Variants in SLC12A8 observed in about 807,000 individuals in gnomAD.
The protein encoded by SLC12A8 is solute carrier family 12 member 8.
A neutral mutation model predicts 75.6 loss-of-function variants in SLC12A8; 69 were observed. The ratio of observed to expected loss-of-function variants is 0.91; its 90% CI spans 0.75 to 1.11. The LOEUF is 1.11. SLC12A8 is among the 50% of genes most tolerant of loss of function. SLC12A8 has a pLI of 0.00. For missense variants in SLC12A8, 877 were observed against 896.7 expected (o/e 0.98, Z 0.28); for synonymous variants, 365 against 372.8 (o/e 0.98, Z 0.24).
chr3:125,158,565 G>C (rs921552470), intron 5 of SLC12A8, among the ~76,000 whole-genome samples: 1 of 152,114 alleles, frequency 6.6e-6, no homozygotes, highest in Admixed American at 6.6e-5. Context: ...ACTATTATAA[G>C]ATCCTCTTTA....
intron 6 of SLC12A8, among the ~76,000 whole-genome samples, chr3:125,134,451 C>G (rs140640900): frequency 6.6e-6 from 1 of 152,134 alleles, no homozygotes; most frequent in Non-Finnish European, 1.5e-5. Context: ...TATTGTGTGG[C>G]TACATCATAG....
At chr3:125,143,392 T>C (rs1316258993) in intron 5 of SLC12A8, among the ~76,000 whole-genome samples, 2 of 152,196 alleles carry the variant, frequency 1.3e-5, no homozygotes, top group Non-Finnish European at 2.9e-5. Context: ...GAAATAATGA[T>C]AGGTTTCGAA....
At chr3:125,105,099 G>A (rs924937939) in intron 10 of SLC12A8, among the ~76,000 whole-genome samples, 1 of 151,646 alleles carries the variant, frequency 6.6e-6, no homozygotes, top group Non-Finnish European at 1.5e-5. Flanking sequence ...TAGAAGCCTT[G>A]GGAGAGAAAA....
At chr3:125,176,466 T>C (rs943860250) in intron 5 of SLC12A8, among the ~76,000 whole-genome samples, 3 of 152,048 alleles carry the variant, frequency 2.0e-5, no homozygotes, top group African/African-American at 4.8e-5. Flanking sequence ...AAAGCCAAAA[T>C]TGACAAATGG....
chr3:125,191,496 T>A (rs1198983593), intron 2 of SLC12A8, among the ~76,000 whole-genome samples: 1 of 17,068 alleles, frequency 5.9e-5, no homozygotes, highest in Non-Finnish European at 1.2e-4. Context: ...GTGGGGTGGG[T>A]GGGGAGAGAG....
At chr3:125,211,256 C>A (rs1469544730) in intron 2 of SLC12A8, 43 bp downstream of exon 2, 2 of 1,556,872 alleles carry the variant, frequency 1.3e-6, no homozygotes, top group Non-Finnish European at 1.8e-6. Context: ...GATCCCCGTG[C>A]TCACAGGCCT....
At chr3:125,089,526 T>C (rs905340263) in intron 12 of SLC12A8, among the ~76,000 whole-genome samples, 3 of 151,976 alleles carry the variant, frequency 2.0e-5, no homozygotes, top group Non-Finnish European at 4.4e-5. Context: ...TTAATTAAAA[T>C]ATATTCTATC....
intron 8 of SLC12A8, among the ~76,000 whole-genome samples, 163 bp downstream of exon 8, chr3:125,118,606 G>A (rs537883722): frequency 1.6e-4 from 24 of 152,292 alleles, no homozygotes; most frequent in African/African-American, 4.3e-4. Flanking sequence ...TCCAGCCTAG[G>A]CAACAGAGTG....
intron 13 of SLC12A8, among the ~76,000 whole-genome samples, chr3:125,085,480 G>A (rs1579457455): frequency 6.6e-6 from 1 of 152,198 alleles, no homozygotes; most frequent in Non-Finnish European, 1.5e-5. Flanking sequence ...TTCTTCTTAG[G>A]TTTTGAAGAG....
intron 4 of SLC12A8, among the ~76,000 whole-genome samples, chr3:125,179,908 T>C (rs985714571): frequency 1.2e-4 from 18 of 152,146 alleles, no homozygotes; most frequent in African/African-American, 4.8e-5. Flanking sequence ...GTAAATAAAA[T>C]AAATGACAAA....
chr3:125,130,045 G>A (rs1022917495), intron 6 of SLC12A8, among the ~76,000 whole-genome samples: 1 of 152,232 alleles, frequency 6.6e-6, no homozygotes, highest in African/African-American at 2.4e-5. Flanking sequence ...GCCAATGAGA[G>A]TGAGAGGGAC....
intron 5 of SLC12A8, among the ~76,000 whole-genome samples, chr3:125,175,056 G>C (rs1934490598): frequency 6.6e-6 from 1 of 152,130 alleles, no homozygotes. Flanking sequence ...GAGAAAAGGG[G>C]TATGTGGGAA....
intron 2 of SLC12A8, among the ~76,000 whole-genome samples, chr3:125,196,943 G>T (rs1476748381): frequency 6.6e-6 from 1 of 152,116 alleles, no homozygotes; most frequent in African/African-American, 2.4e-5. Context: ...AACAAAAAAA[G>T]TGACTATAAG....
At chr3:125,184,844 C>T (rs58490484) in intron 4 of SLC12A8, among the ~76,000 whole-genome samples, 3 of 151,678 alleles carry the variant, frequency 2.0e-5, no homozygotes, top group African/African-American at 7.3e-5. Flanking sequence ...TCACCAAAAC[C>T]AATAATTAGT....
In SLC12A8 at chr3:125,088,390, A is replaced by G. The variant is rs374085475; in HGVS notation, c.1922-20T>C. ...CTGATCCTGCAGGGAAGACATATAC[A>G]TAACCATTTTTGAAGGTTCTACATA... is the stretch of plus-strand genomic sequence containing the variant. On this transcript the variant is annotated intron_variant, in intron 12 of 13. Coordinates refer to ENST00000469902, the MANE Select transcript of SLC12A8 (RefSeq NM_024628.6). 1 of 1,613,804 alleles carries G rather than the reference A, an allele frequency of 6.2e-7. No homozygotes were observed. Among genetic ancestry groups the G allele is most frequent in the East Asian group, 2.2e-5 (1 of 44,878 alleles).
intron 5 of SLC12A8, 138 bp downstream of exon 5, chr3:125,177,605 A>G: frequency 1.5e-6 from 1 of 661,772 alleles, no homozygotes; most frequent in South Asian, 1.9e-5. Context: ...TGCTCACCTG[A>G]TCCAGGAACA....
intron 5 of SLC12A8, among the ~76,000 whole-genome samples, chr3:125,163,140 C>T (rs537439537): frequency 1.8e-4 from 28 of 151,758 alleles, no homozygotes; most frequent in African/African-American, 9.7e-5. Context: ...CCTGTCTCTA[C>T]AAAAGATACA....
intron 8 of SLC12A8, among the ~76,000 whole-genome samples, chr3:125,117,618 T>TA (rs1433695671): frequency 6.6e-6 from 1 of 151,824 alleles, no homozygotes; most frequent in Non-Finnish European, 1.5e-5. Context: ...ATTAAAATAT[T>TA]AAAATTTAAA....
chr3:125,189,023 T>C (rs1934855508), intron 3 of SLC12A8, among the ~76,000 whole-genome samples: 2 of 152,262 alleles, frequency 1.3e-5, no homozygotes. Flanking sequence ...TTGGCTAGAC[T>C]ACGGCAACTA....
Sources: allele counts gnomAD v4.1 joint callset (sites outside exome capture counted in the v4.1 genomes callset), GRCh38; gene constraint gnomAD v4.1.1; transcripts MANE v1.5; gene names NCBI Gene and HGNC (gene_info 2026-07-23, HGNC 2026-07-21).